Variants in PMPCB observed in about 807,000 individuals in gnomAD.
PMPCB encodes mitochondrial-processing peptidase subunit beta.
A neutral mutation model predicts 61.5 loss-of-function variants in PMPCB; 46 were observed. The observed-to-expected ratio is 0.75, with a 90% CI of 0.59 to 0.96. PMPCB has a LOEUF of 0.96. PMPCB is among the 40% of genes least tolerant of loss of function. The pLI is 0.00. For missense variants in PMPCB, 590 were observed against 602.4 expected, an observed-to-expected ratio of 0.98 and a Z score of 0.22; for synonymous variants, 191 against 201.6, an observed-to-expected ratio of 0.95 and a Z score of 0.44.
At chr7:103,319,201 A>C (rs1443065562), downstream of PMPCB, among the ~76,000 whole-genome samples, 6 of 152,080 alleles carry the variant, frequency 3.9e-5, no homozygotes, top group Non-Finnish European at 7.4e-5. Flanking sequence ...CACTTTGAGA[A>C]GCCTACATGG....
At chr7:103,306,903 C>T (rs370644705) in intron 6 of PMPCB, among the ~76,000 whole-genome samples, 2 of 152,074 alleles carry the variant, frequency 1.3e-5, no homozygotes, top group Non-Finnish European at 2.9e-5. Context: ...TTATTACAGG[C>T]GCCTGCTACC....
chr7:103,309,043 T>C lies in PMPCB; in HGVS notation c.941T>C (p.Met314Thr), dbSNP rs1360474838. Residue 314 changes from methionine (M) to threonine (T), a missense_variant, in exon 8 of 13, where the codon ATG becomes ACG. Physicochemically the swap from Met to Thr is moderately conservative, Grantham distance 81. Coordinates refer to ENST00000249269, the MANE Select transcript of PMPCB (RefSeq NM_004279.3). ...GWAHPDTICL[M>T]VANTLIGNWD... The stretch of plus-strand genomic sequence containing the variant: ...GCACATCCAGATACAATCTGTCTCA[T>C]GGTTGCAAACACGCTGATTGGCAAC... The C allele has an allele frequency of 1.9e-6, 3 of 1,608,488 alleles. No individual in the cohort carries two copies. The highest frequency in any genetic ancestry group is 1.7e-5 in the Admixed American group (1 of 59,394).
chr7:103,318,231 T>C (rs1233952192), downstream of PMPCB, among the ~76,000 whole-genome samples: 4 of 152,210 alleles, frequency 2.6e-5, no homozygotes, highest in East Asian at 5.8e-4. Context: ...ACCGACATGA[T>C]CATAGCTCAC....
intron 1 of PMPCB, 110 bp downstream of exon 1, chr7:103,297,668 C>G: frequency 6.5e-7 from 1 of 1,546,662 alleles, no homozygotes; most frequent in South Asian, 1.2e-5. Flanking sequence ...AGGGCCTCCT[C>G]GACCCGGACC....
chr7:103,330,370 CTT>C (rs1190955805), downstream of PMPCB, among the ~76,000 whole-genome samples: 1 of 152,054 alleles, frequency 6.6e-6, no homozygotes. Context: ...TCACTGTAGT[CTT>C]AACCTCCCCG....
intron 12 of PMPCB, chr7:103,326,745 A>AACAAGTATTTCCCTC: frequency 6.7e-7 from 1 of 1,487,376 alleles, no homozygotes; most frequent in African/African-American, 1.4e-5. Flanking sequence ...CCTGCAAGAA[A>AACAAGTATTTCCCTC]ACAAGTATTT....
At chr7:103,343,921 G>A in the PMPCB span, among the ~76,000 whole-genome samples, 2 of 152,164 alleles carry the variant, frequency 1.3e-5, no homozygotes, top group African/African-American at 4.8e-5. Flanking sequence ...ACTGGCTATG[G>A]GAATTACTGT....
In PMPCB at chr7:103,313,177, C is replaced by A. The variant is rs909435898; in HGVS notation, c.*906C>A. On this transcript the variant is annotated 3_prime_UTR_variant, in exon 13 of 13. Transcript: ENST00000249269. Reference sequence around the variant, plus strand: ...ACAAGTCTTGTGGTCCACAAGTATTCGCTAAGTGCCCATTTCAATCTGGGA... The same window carrying A: ...ACAAGTCTTGTGGTCCACAAGTATTAGCTAAGTGCCCATTTCAATCTGGGA... 1.3e-6 allele frequency: 2 copies of A among 1,486,276 alleles called. No individual in the cohort carries two copies. Among genetic ancestry groups the A allele is most frequent in the Admixed American group, 2.4e-5 (1 of 41,154 alleles). The allele number at this position is 1,486,276 out of a possible 1,614,324, so 92.1% of individuals were successfully genotyped here. A position where few individuals can be genotyped will look rare whatever the true frequency, so the allele number is the denominator to read the frequency against.
chr7:103,315,147 C>G (rs909882582), downstream of PMPCB, among the ~76,000 whole-genome samples: 1 of 146,754 alleles, frequency 6.8e-6, no homozygotes, highest in Non-Finnish European at 1.5e-5. Context: ...TCACAACACC[C>G]AAGATAATAT....
At chr7:103,303,115 T>C (rs1020316525) in intron 4 of PMPCB, among the ~76,000 whole-genome samples, 8 of 152,180 alleles carry the variant, frequency 5.3e-5, no homozygotes, top group African/African-American at 1.9e-4. Flanking sequence ...CTGTGATTCA[T>C]TTGGGGCATA....
At chr7:103,304,134 A>G (rs1817518982) in intron 5 of PMPCB, 94 bp downstream of exon 5, 1 of 1,014,368 alleles carries the variant, frequency 9.9e-7, no homozygotes, top group African/African-American at 1.6e-5. Flanking sequence ...TCAGAAAGTA[A>G]TTTTCCCCCT....
chr7:103,321,786 T>G (rs1818432143), intron 12 of PMPCB: 1 of 821,884 alleles, frequency 1.2e-6, no homozygotes, highest in African/African-American at 1.7e-5. Flanking sequence ...AGGCGGAAAT[T>G]GCGGTGAACT....
At chr7:103,328,546 G>T (rs1457937083) in intron 12 of PMPCB, among the ~76,000 whole-genome samples, 1 of 152,058 alleles carries the variant, frequency 6.6e-6, no homozygotes, top group African/African-American at 2.4e-5. Context: ...CATAAGAATC[G>T]CTTGAACCCA....
chr7:103,324,400 T>C (rs894504977), intron 12 of PMPCB: 19 of 1,230,854 alleles, frequency 1.5e-5, no homozygotes, highest in Admixed American at 3.2e-5. Flanking sequence ...CCATCTGAAT[T>C]AATTTATAAA....
chr7:103,308,903 T>C lies in PMPCB; in HGVS notation c.850-49T>C, dbSNP rs373672497. The C allele has an allele frequency of 2.8e-6, 4 of 1,433,344 alleles. No individual in the cohort carries two copies. In the Admixed American group the frequency reaches 7.3e-5, roughly 26 times the overall value. 88.8% of individuals were successfully genotyped at this position (1,433,344 alleles called of 1,614,324 possible). A position where few individuals can be genotyped will look rare whatever the true frequency, so the allele number is the denominator to read the frequency against. On this transcript the variant is annotated intron_variant, in intron 7 of 12. Coordinates refer to ENST00000249269, the MANE Select transcript of PMPCB (RefSeq NM_004279.3). ...ATTTTTTCCTTGTTAATAAGCATGTTATATAATGTTAATCTTAACTAGAGG... is the reference window on the plus strand; with the variant it reads ...ATTTTTTCCTTGTTAATAAGCATGTCATATAATGTTAATCTTAACTAGAGG...
At chr7:103,325,918 T>A (rs888211471) in intron 12 of PMPCB, among the ~76,000 whole-genome samples, 8 of 152,064 alleles carry the variant, frequency 5.3e-5, no homozygotes, top group African/African-American at 1.4e-4. Context: ...AAAGAGGAAA[T>A]CAAAGAATGG....
chr7:103,298,128 CTT>C (rs1292088228), intron 1 of PMPCB, among the ~76,000 whole-genome samples: 2 of 146,766 alleles, frequency 1.4e-5, no homozygotes, highest in African/African-American at 5.0e-5. Flanking sequence ...TCCTCTCTCT[CTT>C]TTTTTTTTTA....
intron 5 of PMPCB, 46 bp from the exon 6 acceptor site, chr7:103,304,365 G>GTTTT: frequency 1.1e-6 from 1 of 931,866 alleles, no homozygotes; most frequent in Non-Finnish European, 1.6e-6. Context: ...GTGAAGATCT[G>GTTTT]TTTTTTTTTT....
At chr7:103,322,535 C>G (rs751740147) in intron 12 of PMPCB, 2 of 1,529,888 alleles carry the variant, frequency 1.3e-6, no homozygotes, top group Non-Finnish European at 1.8e-6. Flanking sequence ...CTTGCTCCTT[C>G]CGTTTAGCTT....
Sources: allele counts gnomAD v4.1 joint callset (sites outside exome capture counted in the v4.1 genomes callset), GRCh38; gene constraint gnomAD v4.1.1; transcripts MANE v1.5; gene names NCBI Gene and HGNC (gene_info 2026-07-23, HGNC 2026-07-21).